The following ARHGEF10 variants were observed in gnomAD, a reference collection of about 807,000 sequenced individuals.
The protein encoded by ARHGEF10 is Rho guanine nucleotide exchange factor (GEF) 10.
Under a neutral mutation model 147.4 loss-of-function variants are expected in ARHGEF10, and 140 were observed. The observed-to-expected ratio is 0.95, with a 90% CI of 0.83 to 1.09. The LOEUF (loss-of-function observed/expected upper bound fraction) is 1.09. Among genes scored for constraint, ARHGEF10 ranks in the 50% least tolerant of loss-of-function variants. The pLI, the probability that ARHGEF10 is intolerant of heterozygous loss-of-function variation, is 0.00. For synonymous variants in ARHGEF10, 902 were observed against 695.8 expected (o/e 1.30, Z -4.67); for missense variants, 2,222 against 1,752.7 (o/e 1.27, Z -4.78).
rs55816869 is a variant in ARHGEF10 at position 1,889,592 on chromosome 8, A to C, written c.1182+3885A>C. Among the ~76,000 whole-genome samples, 41 of 52,236 alleles carry C rather than the reference A, an allele frequency of 7.8e-4. 12 individuals are homozygous for C. Among genetic ancestry groups the C allele is most frequent in the Admixed American group, 1.2e-3 (6 of 4,984 alleles). 34.3% of individuals were successfully genotyped at this position (52,236 alleles called of 152,430 possible). ...CACTGAGTGGGGTGAGGGGTTTGTG[A>C]GGAGACACTGAGTGTGGGTGAGGGG... On this transcript the variant is annotated intron_variant, in intron 11 of 28. Transcript: ENST00000349830.
intron 9 of ARHGEF10, among the ~76,000 whole-genome samples, chr8:1,881,602 A>G (rs1357215133): frequency 6.6e-6 from 1 of 150,892 alleles, no homozygotes; most frequent in African/African-American, 2.5e-5. Flanking sequence ...AGTGATGGAG[A>G]TGGGCTGGGG....
chr8:1,924,991 G>A (rs1812576079), intron 21 of ARHGEF10, among the ~76,000 whole-genome samples: 1 of 152,224 alleles, frequency 6.6e-6, no homozygotes. Context: ...GACCTATGTG[G>A]TTTATACAGC....
intron 21 of ARHGEF10, 114 bp downstream of exon 21, chr8:1,923,988 C>T: frequency 2.0e-6 from 2 of 990,744 alleles, no homozygotes; most frequent in Non-Finnish European, 3.1e-6. Context: ...CATGCATTGA[C>T]CTGAAAGAGT....
intron 27 of ARHGEF10, among the ~76,000 whole-genome samples, chr8:1,950,596 G>A (rs1259588977): frequency 6.6e-6 from 1 of 151,774 alleles, no homozygotes; most frequent in African/African-American, 2.4e-5. Context: ...GCAGTGGTGC[G>A]ATCTTGGCTC....
At chr8:1,949,017 CAT>C (rs1491130017) in intron 27 of ARHGEF10, among the ~76,000 whole-genome samples, 99 of 102,934 alleles carry the variant, frequency 9.6e-4, no homozygotes, top group African/African-American at 2.8e-3. Flanking sequence ...AATGGGTTTT[CAT>C]GTGTGTGTGT....
At position 1,950,800 on chromosome 8, in the gene ARHGEF10, G is replaced by C. The variant is rs563959897; in HGVS notation, c.3398-1905G>C. Among the ~76,000 whole-genome samples, 33 of 135,526 alleles carry C rather than the reference G, an allele frequency of 2.4e-4. 1 individual carries two copies. The highest frequency in any genetic ancestry group is 8.9e-4 in the African/African-American group (32 of 35,906). 88.9% of individuals were successfully genotyped at this position (135,526 alleles called of 152,430 possible). A position where few individuals can be genotyped will look rare whatever the true frequency, so the allele number is the denominator to read the frequency against. On this transcript the variant is annotated intron_variant, in intron 27 of 28. Coordinates refer to ENST00000349830, the MANE Select transcript of ARHGEF10 (RefSeq NM_014629.4). The stretch of plus-strand genomic sequence containing the variant: ...TCACTATGTTGGCCAGGCTGGTCTG[G>C]AACTCCTGGCCTCAGGGGATCCACC...
At chr8:1,879,661 G>A (rs935997551) in intron 8 of ARHGEF10, among the ~76,000 whole-genome samples, 3 of 151,138 alleles carry the variant, frequency 2.0e-5, no homozygotes, top group Admixed American at 6.6e-5. Context: ...CAAGCAATTC[G>A]CCCACCTCAG....
upstream of ARHGEF10, among the ~76,000 whole-genome samples, chr8:1,823,355 G>A (rs947511384): frequency 2.0e-5 from 3 of 151,814 alleles, no homozygotes; most frequent in Admixed American, 2.0e-4. Context: ...GCTGCGGACG[G>A]AGGGACGGGG....
chr8:1,862,222 C>T (rs868730873), intron 4 of ARHGEF10, among the ~76,000 whole-genome samples: 2 of 152,234 alleles, frequency 1.3e-5, no homozygotes, highest in Admixed American at 6.5e-5. Flanking sequence ...TCTGGAGCCT[C>T]CCTGGGGCGG....
rs1805985979 is a variant in ARHGEF10 at position 1,860,198 on chromosome 8, C to T, written c.481+14C>T. 12 of 1,609,934 alleles carry T rather than the reference C, an allele frequency of 7.5e-6. No individual in the cohort carries two copies. Among genetic ancestry groups the T allele is most frequent in the Non-Finnish European group, 9.3e-6 (11 of 1,179,744 alleles). On this transcript the variant is annotated intron_variant, in intron 4 of 28. Transcript: ENST00000349830. ...TGGACGAAGAAGGTACTGCTACCCT[C>T]CTCTCCACGCCCCCGAAGTGGCCTG...
chr8:1,832,994 G>GAGA, intron 1 of ARHGEF10, among the ~76,000 whole-genome samples: 1 of 9,730 alleles, frequency 1.0e-4, no homozygotes, highest in East Asian at 2.9e-3. Context: ...AGAGACAGAG[G>GAGA]CAGAGACAGG....
In ARHGEF10 at chr8:1,823,999, C is replaced by CGCGGGGGACGCGGGGGACGGCGGGGTACG. The variant is rs1563137232; in HGVS notation, c.-152_-151insCGGGGGACGGCGGGGTACGGCGGGGGACG. The CGCGGGGGACGCGGGGGACGGCGGGGTACG allele has an allele frequency of 1.3e-5, 1 of 79,360 alleles. No homozygotes were observed. The highest frequency in any genetic ancestry group is 5.6e-5 in the African/African-American group (1 of 17,918). The allele number at this position is 79,360 out of a possible 1,614,324, so 4.9% of individuals were successfully genotyped here. ...ACGGGGTCGCGGGGGACGCGGGGGA[C>CGCGGGGGACGCGGGGGACGGCGGGGTACG]GCGGGGGACGGCGGGGAACGGCGGG... On this transcript the variant is annotated 5_prime_UTR_variant, in exon 1 of 29. Transcript: ENST00000349830.
intron 18 of ARHGEF10, among the ~76,000 whole-genome samples, chr8:1,911,819 C>T (rs1233983285): frequency 1.3e-5 from 2 of 152,210 alleles, no homozygotes; most frequent in African/African-American, 2.4e-5. Flanking sequence ...CCAGGTACAT[C>T]CATGAACCAC....
intron 1 of ARHGEF10, among the ~76,000 whole-genome samples, chr8:1,830,403 T>A (rs1390063861): frequency 3.9e-5 from 6 of 152,236 alleles, no homozygotes; most frequent in African/African-American, 1.4e-4. Flanking sequence ...CTTGGTCCCT[T>A]GAGGCCTTTC....
chr8:1,857,950 T>C lies in ARHGEF10; in HGVS notation c.38-10T>C, dbSNP rs138713415. 4.5e-3 allele frequency: 7,144 copies of C among 1,594,746 alleles called. 38 individuals carry two copies. Among genetic ancestry groups the C allele is most frequent in the Admixed American group, 6.0e-3 (360 of 59,632 alleles). On this transcript the variant is annotated splice_polypyrimidine_tract_variant and intron_variant, in intron 2 of 28. Transcript: ENST00000349830. ...TCTCTCCTTGATGTGGTTTTGGTTTTTCTTTTTAGAAAATGAAATGAAATA... is the reference window on the plus strand; with the variant it reads ...TCTCTCCTTGATGTGGTTTTGGTTTCTCTTTTTAGAAAATGAAATGAAATA...
intron 1 of ARHGEF10, among the ~76,000 whole-genome samples, chr8:1,829,213 C>T (rs1174327808): frequency 6.6e-6 from 1 of 152,204 alleles, no homozygotes; most frequent in Non-Finnish European, 1.5e-5. Flanking sequence ...CCAGGGAGCT[C>T]CAGAGTTAAT....
At chr8:1,885,541 G>A (rs1381556950) in intron 10 of ARHGEF10, 60 bp from the exon 11 acceptor site, 6 of 1,187,582 alleles carry the variant, frequency 5.1e-6, no homozygotes, top group African/African-American at 4.5e-5. Flanking sequence ...TTACTGTACT[G>A]TAGTGTTGTG....
At chr8:1,940,931 T>C (rs1454398588) in intron 26 of ARHGEF10, among the ~76,000 whole-genome samples, 1 of 152,246 alleles carries the variant, frequency 6.6e-6, no homozygotes, top group Non-Finnish European at 1.5e-5. Flanking sequence ...CACCCTTTTA[T>C]GATAAAAACA....
intron 27 of ARHGEF10, among the ~76,000 whole-genome samples, chr8:1,950,974 G>A (rs940354243): frequency 1.4e-4 from 21 of 152,114 alleles, no homozygotes; most frequent in Admixed American, 1.0e-3. Context: ...AGCCTTGCCC[G>A]GCACGCAGGT....
Sources: allele counts gnomAD v4.1 joint callset (sites outside exome capture counted in the v4.1 genomes callset), GRCh38; gene constraint gnomAD v4.1.1; transcripts MANE v1.5; gene names NCBI Gene and HGNC (gene_info 2026-07-23, HGNC 2026-07-21).